SUSD1: variants seen among roughly 807,000 people sequenced by gnomAD.
SUSD1 encodes the protein sushi domain-containing protein 1.
Under a neutral mutation model 86.9 loss-of-function variants are expected in SUSD1, and 65 were observed. That is an observed-to-expected ratio of 0.75 (90% CI 0.61 to 0.92). The LOEUF is 0.92. Ranked by LOEUF, SUSD1 falls within the 40% of genes least tolerant of loss-of-function variation. The pLI, the probability that SUSD1 is intolerant of heterozygous loss-of-function variation, is 0.00. For missense variants in SUSD1, 850 were observed against 929.7 expected, an observed-to-expected ratio of 0.91 and a Z score of 1.11; for synonymous variants, 346 against 350.0, an observed-to-expected ratio of 0.99 and a Z score of 0.13.
chr9:112,063,497 CAGAGGATA>C (rs1211934015), intron 12 of SUSD1, among the ~76,000 whole-genome samples: 1 of 152,188 alleles, frequency 6.6e-6, no homozygotes, highest in Non-Finnish European at 1.5e-5. Context: ...ATGGCACTGG[CAGAGGATA>C]GATGTGGTGA....
At chr9:112,158,242 G>T (rs140801711) in intron 1 of SUSD1, among the ~76,000 whole-genome samples, 1 of 152,144 alleles carries the variant, frequency 6.6e-6, no homozygotes, top group African/African-American at 2.4e-5. Flanking sequence ...TTCCCTAACA[G>T]AATATCTACT....
chr9:112,109,412 G>A (rs760639272), intron 8 of SUSD1, among the ~76,000 whole-genome samples: 2 of 152,188 alleles, frequency 1.3e-5, no homozygotes, highest in Non-Finnish European at 2.9e-5. Flanking sequence ...CTTTATAACA[G>A]TGCATAAATA....
At chr9:112,106,215 C>G (rs1486585927) in intron 8 of SUSD1, among the ~76,000 whole-genome samples, 1 of 152,084 alleles carries the variant, frequency 6.6e-6, no homozygotes, top group Non-Finnish European at 1.5e-5. Flanking sequence ...TCAGGTGATC[C>G]GCCCACCTAA....
intron 1 of SUSD1, among the ~76,000 whole-genome samples, chr9:112,162,825 T>C (rs1344897085): frequency 6.6e-6 from 1 of 152,180 alleles, no homozygotes; most frequent in Non-Finnish European, 1.5e-5. Flanking sequence ...GTAATTTTCC[T>C]TGGAGTGCAG....
intron 5 of SUSD1, among the ~76,000 whole-genome samples, chr9:112,128,046 T>C (rs1263347465): frequency 6.6e-6 from 1 of 151,924 alleles, no homozygotes; most frequent in Non-Finnish European, 1.5e-5. Flanking sequence ...CAAGCAATCT[T>C]ACCGGCCTCA....
intron 5 of SUSD1, among the ~76,000 whole-genome samples, chr9:112,140,046 C>T (rs990172750): frequency 2.7e-5 from 4 of 150,550 alleles, no homozygotes; most frequent in East Asian, 1.9e-4. Flanking sequence ...GGCAACATGG[C>T]GAAACCCCAT....
intron 9 of SUSD1, among the ~76,000 whole-genome samples, chr9:112,101,339 G>A (rs975052030): frequency 4.6e-5 from 7 of 151,962 alleles, no homozygotes; most frequent in Non-Finnish European, 1.0e-4. Context: ...TCCAACCTGG[G>A]TAACAGAGCA....
chr9:112,084,807 A>G (rs1829907856), intron 10 of SUSD1, among the ~76,000 whole-genome samples: 1 of 151,780 alleles, frequency 6.6e-6, no homozygotes, highest in Admixed American at 6.6e-5. Flanking sequence ...TCTTTTCTCC[A>G]CCCGCTGGGC....
intron 15 of SUSD1, among the ~76,000 whole-genome samples, chr9:112,047,119 C>T (rs1349435580): frequency 6.6e-6 from 1 of 152,086 alleles, no homozygotes; most frequent in East Asian, 1.9e-4. Context: ...ACAGGGTGTA[C>T]AGGAGGCAAG....
At chr9:112,172,196 CAAAA>C (rs11332622) in intron 1 of SUSD1, among the ~76,000 whole-genome samples, 6 of 140,332 alleles carry the variant, frequency 4.3e-5, no homozygotes, top group Admixed American at 1.4e-4. Flanking sequence ...GAGACTGTCT[CAAAA>C]AAAAAAAAAA....
intron 5 of SUSD1, among the ~76,000 whole-genome samples, chr9:112,134,938 C>T (rs369783566): frequency 5.9e-5 from 9 of 151,738 alleles, no homozygotes; most frequent in Admixed American, 3.9e-4. Flanking sequence ...GTGAGGCAGG[C>T]GCCTGTAATC....
intron 5 of SUSD1, among the ~76,000 whole-genome samples, chr9:112,131,123 G>A (rs987384577): frequency 1.3e-5 from 2 of 152,156 alleles, no homozygotes; most frequent in Non-Finnish European, 1.5e-5. Flanking sequence ...AAGAGCTTAA[G>A]TCACATTCAA....
At chr9:112,152,184 CAG>C (rs1833078193) in intron 2 of SUSD1, among the ~76,000 whole-genome samples, 1 of 145,140 alleles carries the variant, frequency 6.9e-6, no homozygotes, top group Non-Finnish European at 1.5e-5. Flanking sequence ...GCCAGGGTGA[CAG>C]AGTGAGACTC....
At chr9:112,145,945 C>T (rs1832791394) in intron 3 of SUSD1, 2 of 152,206 alleles carry the variant, frequency 1.3e-5, no homozygotes, top group African/African-American at 4.8e-5. Flanking sequence ...GCAATTCATT[C>T]CTCCTCTAAC....
intron 1 of SUSD1, among the ~76,000 whole-genome samples, chr9:112,174,276 T>C (rs943177959): frequency 3.9e-5 from 6 of 152,188 alleles, no homozygotes; most frequent in Non-Finnish European, 7.4e-5. Context: ...TGACCAATCA[T>C]TGATGGCCCA....
At chr9:112,159,011 C>G (rs1017576095) in intron 1 of SUSD1, among the ~76,000 whole-genome samples, 3 of 149,632 alleles carry the variant, frequency 2.0e-5, no homozygotes, top group African/African-American at 7.4e-5. Flanking sequence ...TTTTTTTTTC[C>G]AAAGAAAAAA....
At position 112,152,751 on chromosome 9, in the gene SUSD1, C is replaced by CTTTTTTTTTTTTTTTTTTTTTTT. The variant is rs71382410; in HGVS notation, c.218-3353_218-3352insAAAAAAAAAAAAAAAAAAAAAAA. ...TTTTTCTTCTATTATTTTTTTTAATCTTTTTTTTTTTTTTTTTTTTGTAAA... is the reference window on the plus strand; with the variant it reads ...TTTTTCTTCTATTATTTTTTTTAATCTTTTTTTTTTTTTTTTTTTTTTTTTTTTTTTTTTTTTTTTTTTGTAAA... On this transcript the variant is annotated intron_variant, in intron 2 of 16. Coordinates refer to ENST00000374270, the MANE Select transcript of SUSD1 (RefSeq NM_022486.5). 5.7e-5 allele frequency among the ~76,000 whole-genome samples: 5 copies of CTTTTTTTTTTTTTTTTTTTTTTT among 87,478 alleles called. 1 individual carries two copies. The highest frequency in any genetic ancestry group is 1.0e-4 in the African/African-American group (2 of 20,046). The allele number at this position is 87,478 out of a possible 152,430, so 57.4% of individuals were successfully genotyped here. A position where few individuals can be genotyped will look rare whatever the true frequency, so the allele number is the denominator to read the frequency against.
At chr9:112,137,867 T>C (rs1832332894) in intron 5 of SUSD1, 1 of 152,120 alleles carries the variant, frequency 6.6e-6, no homozygotes, top group African/African-American at 2.4e-5. Flanking sequence ...TGTGCAAGTA[T>C]GACATGCAAA....
At chr9:112,158,615 C>T (rs1242005956) in intron 1 of SUSD1, among the ~76,000 whole-genome samples, 2 of 152,108 alleles carry the variant, frequency 1.3e-5, no homozygotes, top group Non-Finnish European at 2.9e-5. Context: ...TGGTCTCGAA[C>T]CCCTGAGCTT....
Sources: allele counts gnomAD v4.1 joint callset (sites outside exome capture counted in the v4.1 genomes callset), GRCh38; gene constraint gnomAD v4.1.1; transcripts MANE v1.5; gene names NCBI Gene and HGNC (gene_info 2026-07-23, HGNC 2026-07-21).